The following MERTK variants were observed in gnomAD, a reference collection of about 807,000 sequenced individuals.
MERTK encodes the protein MER proto-oncogene, tyrosine kinase.
MERTK carries 69 observed loss-of-function variants against 99.3 expected under a neutral mutation model. The observed-to-expected ratio is 0.70, with a 90% CI of 0.57 to 0.85. The LOEUF is 0.85. Ranked by LOEUF, MERTK falls within the 40% of genes least tolerant of loss-of-function variation. The pLI, the probability that MERTK is intolerant of heterozygous loss-of-function variation, is 0.00. For synonymous variants in MERTK, 426 were observed against 467.6 expected, an observed-to-expected ratio of 0.91 and a Z score of 1.15; for missense variants, 1,125 against 1,249.4, an observed-to-expected ratio of 0.90 and a Z score of 1.50.
chr2:112,019,770 C>T (rs745897601), intron 16 of MERTK, among the ~76,000 whole-genome samples: 5 of 152,178 alleles, frequency 3.3e-5, no homozygotes, highest in Non-Finnish European at 5.9e-5. Flanking sequence ...CTCTCTCACT[C>T]GGTAGGAATG....
At chr2:111,921,728 T>G (rs28637361) in intron 1 of MERTK, among the ~76,000 whole-genome samples, 72,696 of 151,850 alleles carry the variant, frequency 0.48, 17,968 homozygotes, top group South Asian at 0.56. Context: ...GCCCTCACTC[T>G]TTTGCAGCCT....
chr2:112,021,300 C>A (rs1677341873), intron 16 of MERTK, 122 bp from the exon 17 acceptor site: 2 of 1,397,114 alleles, frequency 1.4e-6, no homozygotes, highest in African/African-American at 1.4e-5. Flanking sequence ...TGCTCACAGG[C>A]TGGTGGTGTC....
chr2:111,956,655 G>C (rs1429804266), intron 4 of MERTK, among the ~76,000 whole-genome samples: 1 of 151,996 alleles, frequency 6.6e-6, no homozygotes, highest in Non-Finnish European at 1.5e-5. Context: ...TGATAATTAG[G>C]CAGTTTTGTT....
Position 112,029,424 on chromosome 2 carries a change from C to A in MERTK, c.*560C>A, listed in dbSNP as rs1677536640. The A allele has an allele frequency of 4.9e-6, 4 of 816,074 alleles. No individual in the cohort carries two copies. The highest frequency in any genetic ancestry group is 5.9e-6 in the Non-Finnish European group (4 of 675,428). 50.6% of individuals were successfully genotyped at this position (816,074 alleles called of 1,614,324 possible). A position where few individuals can be genotyped will look rare whatever the true frequency, so the allele number is the denominator to read the frequency against. On this transcript the variant is annotated 3_prime_UTR_variant, in exon 19 of 19. Coordinates refer to ENST00000295408, the MANE Select transcript of MERTK (RefSeq NM_006343.3). Reference sequence around the variant, plus strand: ...ACAGTGGTCGGCAGCGGCCTTGTGGCCTTTGCAAAGGAATTCCCTTAATGC... The same window carrying A: ...ACAGTGGTCGGCAGCGGCCTTGTGGACTTTGCAAAGGAATTCCCTTAATGC...
At chr2:111,975,139 A>G (rs2138568) in intron 6 of MERTK, 150 bp from the exon 7 acceptor site, 767,298 of 768,248 alleles carry the variant, frequency 1, 383,185 homozygotes, top group East Asian at 1. Context: ...CAGTGATGCT[A>G]GCGGTAAAAT....
intron 8 of MERTK, 63 bp downstream of exon 8, chr2:111,983,056 G>A: frequency 6.2e-7 from 1 of 1,600,228 alleles, no homozygotes; most frequent in Non-Finnish European, 8.6e-7. Context: ...GTTTACTTCA[G>A]TTTTAGAAGC....
Position 111,899,344 on chromosome 2 carries a change from A to C in MERTK, c.61+548A>C, listed in dbSNP as rs548798917. On this transcript the variant is annotated intron_variant, in intron 1 of 18. Transcript: ENST00000295408. ...GAGCGACGGGCCAGGGGGGGACGGCAGTCCTGGCTGCTCCCAATGGGCCCT... is the reference window on the plus strand; with the variant it reads ...GAGCGACGGGCCAGGGGGGGACGGCCGTCCTGGCTGCTCCCAATGGGCCCT... 3.9e-5 allele frequency among the ~76,000 whole-genome samples: 6 copies of C among 152,266 alleles called. No homozygotes were observed. The East Asian group carries it at 9.7e-4, about 25-fold the overall frequency.
At chr2:112,003,063 T>G (rs1225002054) in intron 11 of MERTK, 29 bp from the exon 12 acceptor site, 1 of 1,012,006 alleles carries the variant, frequency 9.9e-7, no homozygotes, top group Admixed American at 1.7e-5. Context: ...CTGACAATTT[T>G]TGTACATACT....
intron 2 of MERTK, 150 bp from the exon 3 acceptor site, chr2:111,944,810 G>T (rs1684935285): frequency 4.3e-6 from 3 of 689,988 alleles, no homozygotes; most frequent in East Asian, 3.0e-5. Context: ...GCTAGGGTTT[G>T]ACCAAACAAC....
chr2:111,966,056 T>A (rs115894600), intron 5 of MERTK, among the ~76,000 whole-genome samples: 203 of 152,358 alleles, frequency 1.3e-3, no homozygotes, highest in African/African-American at 4.6e-3. Context: ...AGTATCTTTT[T>A]ATTTCATTTT....
chr2:111,929,519 C>T lies in MERTK; in HGVS notation c.461C>T (p.Thr154Ile). Residue 154 changes from threonine to isoleucine, a missense_variant, in exon 2 of 19, where the codon ACA becomes ATA. Physicochemically the swap from Thr to Ile is moderately conservative, Grantham distance 89. Transcript: ENST00000295408. ...CAGTTTTATCCAGATGATGAAGTTA[C>T]AGCAATAATCGCTTCCTTCAGGTAT... ...ITQFYPDDEV[T>I]AIIASFSITS... 2.5e-6 allele frequency: 4 copies of T among 1,613,208 alleles called. No individual in the cohort carries two copies. The highest frequency in any genetic ancestry group is 2.5e-6 in the Non-Finnish European group (3 of 1,179,520).
At chr2:111,991,244 G>C (rs113451306) in intron 8 of MERTK, among the ~76,000 whole-genome samples, 5 of 152,162 alleles carry the variant, frequency 3.3e-5, no homozygotes, top group African/African-American at 1.2e-4. Context: ...ATGTTTTTTT[G>C]TTGCTTGTTT....
At chr2:112,009,502 A>G (rs569545334) in intron 14 of MERTK, among the ~76,000 whole-genome samples, 1 of 152,328 alleles carries the variant, frequency 6.6e-6, no homozygotes, top group East Asian at 1.9e-4. Context: ...CACGTGATTA[A>G]ATATCTATCA....
chr2:111,914,370 C>T (rs2871876), intron 1 of MERTK, among the ~76,000 whole-genome samples: 105,758 of 152,000 alleles, frequency 0.7, 37,093 homozygotes, highest in East Asian at 0.85. Context: ...CTCTGCCTCC[C>T]GGGTTCATGC....
chr2:111,993,580 G>A (rs1244289202), intron 8 of MERTK, among the ~76,000 whole-genome samples: 3 of 152,078 alleles, frequency 2.0e-5, no homozygotes, highest in Non-Finnish European at 4.4e-5. Flanking sequence ...AGTTTCCTAC[G>A]CCAGAGAACA....
Position 112,010,029 on chromosome 2 carries a change from C to G in MERTK, c.2042C>G (p.Thr681Ser). 2 of 1,613,706 alleles carry G rather than the reference C, an allele frequency of 1.2e-6. No individual in the cohort carries two copies. The highest frequency in any genetic ancestry group is 1.3e-5 in the African/African-American group (1 of 75,018). ...TTCATGAAATACGGGGACCTGCATACTTACTTACTTTATTCCCGATTGGAG... is the reference window on the plus strand; with the variant it reads ...TTCATGAAATACGGGGACCTGCATAGTTACTTACTTTATTCCCGATTGGAG... The part of the protein sequence containing the change: ...LPFMKYGDLH[T>S]YLLYSRLETG... Residue 681 changes from threonine to serine, a missense_variant, in exon 15 of 19, where the codon ACT becomes AGT. By Grantham distance (58) the Thr-to-Ser change is moderately conservative. Coordinates refer to ENST00000295408, the MANE Select transcript of MERTK (RefSeq NM_006343.3).
At chr2:111,931,254 G>C (rs1229749976) in intron 2 of MERTK, among the ~76,000 whole-genome samples, 1 of 151,834 alleles carries the variant, frequency 6.6e-6, no homozygotes, top group Admixed American at 6.6e-5. Context: ...TAATCCCTTA[G>C]CCTCCAGGCA....
chr2:111,944,159 G>T (rs1028602942), intron 2 of MERTK, among the ~76,000 whole-genome samples: 7 of 152,002 alleles, frequency 4.6e-5, no homozygotes, highest in African/African-American at 1.7e-4. Context: ...AATTAATCGG[G>T]CATGGTGGCG....
intron 2 of MERTK, among the ~76,000 whole-genome samples, chr2:111,933,624 T>G (rs1684712815): frequency 6.6e-6 from 1 of 152,170 alleles, no homozygotes; most frequent in African/African-American, 2.4e-5. Context: ...ATTTTTAACA[T>G]GATGAGGTCT....
Sources: allele counts gnomAD v4.1 joint callset (sites outside exome capture counted in the v4.1 genomes callset), GRCh38; gene constraint gnomAD v4.1.1; transcripts MANE v1.5; gene names NCBI Gene and HGNC (gene_info 2026-07-23, HGNC 2026-07-21).